Variants in BRIP1 observed in about 807,000 individuals in gnomAD.
The protein encoded by BRIP1 is BRCA1 interacting DNA helicase 1.
A neutral mutation model predicts 119.7 loss-of-function variants in BRIP1; 88 were observed. The observed-to-expected ratio is 0.74, with a 90% CI of 0.62 to 0.88. The LOEUF is 0.88. BRIP1 is among the 40% of genes least tolerant of loss of function. BRIP1 has a pLI of 0.00. For synonymous variants in BRIP1, 443 were observed against 496.5 expected, an observed-to-expected ratio of 0.89 and a Z score of 1.43; for missense variants, 1,259 against 1,455.4, an observed-to-expected ratio of 0.87 and a Z score of 2.20.
chr17:61,732,115 A>G (rs961440386), intron 16 of BRIP1, among the ~76,000 whole-genome samples: 2 of 150,652 alleles, frequency 1.3e-5, no homozygotes, highest in African/African-American at 4.9e-5. Flanking sequence ...CAGCCTCCCA[A>G]ATAGCTGGGA....
rs983771977 is a variant in BRIP1 at position 61,740,452 on chromosome 17, G to C, written c.2379+2561C>G. ...GGACCAGACTTTGAAAATAACTCCTGTTGACCAAAGACAGTATAAGTTGAA... is the reference window on the plus strand; with the variant it reads ...GGACCAGACTTTGAAAATAACTCCTCTTGACCAAAGACAGTATAAGTTGAA... On this transcript the variant is annotated intron_variant, in intron 16 of 19. Coordinates refer to ENST00000259008, the MANE Select transcript of BRIP1 (RefSeq NM_032043.3). This position sits in a 1 kb window ranked among gnomAD's most constrained non-coding sequence, Gnocchi z 5.4. 6.6e-6 allele frequency among the ~76,000 whole-genome samples: 1 copy of C among 152,130 alleles called. No homozygotes were observed. Among genetic ancestry groups the C allele is most frequent in the Non-Finnish European group, 1.5e-5 (1 of 68,034 alleles).
At chr17:61,854,414 C>CT (rs2078865096) in intron 4 of BRIP1, among the ~76,000 whole-genome samples, 1 of 151,786 alleles carries the variant, frequency 6.6e-6, no homozygotes. Flanking sequence ...TTAGAAATTT[C>CT]TTAAAAAGTT....
chr17:61,783,380 A>G (rs1034632339), intron 11 of BRIP1, among the ~76,000 whole-genome samples: 4 of 152,192 alleles, frequency 2.6e-5, no homozygotes, highest in African/African-American at 4.8e-5. Flanking sequence ...AATACAGGTT[A>G]GCAGGTGATG....
In BRIP1 at chr17:61,700,273, C is replaced by T. The variant is rs907857622; in HGVS notation, c.2493-6761G>A. ...TATTAACTTTTACATTTACGTATGTCGTTAACTTTGTGGGTATTCTTTATT... is the reference window on the plus strand; with the variant it reads ...TATTAACTTTTACATTTACGTATGTTGTTAACTTTGTGGGTATTCTTTATT... On this transcript the variant is annotated intron_variant, in intron 17 of 19. Transcript: ENST00000259008. The surrounding 1 kb of genome is among the most constrained non-coding windows in gnomAD (Gnocchi z 4.1). Among the ~76,000 whole-genome samples the T allele has an allele frequency of 2.6e-5, 4 of 152,104 alleles. No homozygotes were observed. The highest frequency in any genetic ancestry group is 6.5e-5 in the Admixed American group (1 of 15,282).
At chr17:61,721,264 A>G (rs1434333426) in intron 16 of BRIP1, among the ~76,000 whole-genome samples, 1 of 143,460 alleles carries the variant, frequency 7.0e-6, no homozygotes, top group Non-Finnish European at 1.5e-5. Context: ...AATAAAATCT[A>G]AGCTTTTTTT....
Position 61,815,343 on chromosome 17 carries a change from A to G in BRIP1, c.628-6586T>C, listed in dbSNP as rs1485087209. Among the ~76,000 whole-genome samples the G allele has an allele frequency of 6.6e-6, 1 of 152,154 alleles. No homozygotes were observed. Among genetic ancestry groups the G allele is most frequent in the Non-Finnish European group, 1.5e-5 (1 of 67,990 alleles). On this transcript the variant is annotated intron_variant, in intron 6 of 19. Transcript: ENST00000259008. The surrounding 1 kb of genome is among the most constrained non-coding windows in gnomAD (Gnocchi z 4.1). ...AGAAAGTGAACCCCTAACTTTAATCAAGTGCTCAAAGCAGATTGTGACTGA... is the reference window on the plus strand; with the variant it reads ...AGAAAGTGAACCCCTAACTTTAATCGAGTGCTCAAAGCAGATTGTGACTGA...
At position 61,795,261 on chromosome 17, in the gene BRIP1, G is replaced by A. The variant is rs550489718; in HGVS notation, c.1341-1532C>T. Among the ~76,000 whole-genome samples, 88 of 152,126 alleles carry A rather than the reference G, an allele frequency of 5.8e-4. No individual in the cohort carries two copies. In the South Asian group the frequency reaches 0.018, roughly 31 times the overall value. The stretch of plus-strand genomic sequence containing the variant: ...CAAATAATCCAATTATATTCTTTTA[G>A]TTATTTTTAAATGTACAGTTAAATC... On this transcript the variant is annotated intron_variant, in intron 9 of 19. Coordinates refer to ENST00000259008, the MANE Select transcript of BRIP1 (RefSeq NM_032043.3). The surrounding 1 kb of genome is among the most constrained non-coding windows in gnomAD (Gnocchi z 5.6).
rs786201802 is a variant in BRIP1, at chr17:61,693,481, G to C, written c.2524C>G (p.Leu842Val). 6.2e-7 allele frequency: 1 copy of C among 1,613,458 alleles called. No individual in the cohort carries two copies. Among genetic ancestry groups the C allele is most frequent in the East Asian group, 2.2e-5 (1 of 44,836 alleles). ...CTAAAGCGATCATCCACTAGAATAA[G>C]AGCTCCCCAATCATTTCTGTGTCTA... ...CIRHRNDWGA[L>V]ILVDDRFRNN... Residue 842 changes from leucine to valine, a missense_variant, in exon 18 of 20, where the codon CTT becomes GTT. Transcript: ENST00000259008. This position sits in a 1 kb window ranked among gnomAD's most constrained non-coding sequence, Gnocchi z 4.2.
In BRIP1 at chr17:61,848,527, T is replaced by A. The variant is rs2145755182; in HGVS notation, c.507+602A>T. Among the ~76,000 whole-genome samples, 1 of 152,300 alleles carries A rather than the reference T, an allele frequency of 6.6e-6. No individual in the cohort carries two copies. Among genetic ancestry groups the A allele is most frequent in the East Asian group, 1.9e-4 (1 of 5,184 alleles). Reference sequence around the variant, plus strand: ...GTATTCAGCCTAATAATTATCTTTTTTATTTGTAACTAAATCTATTAAAAT... The same window carrying A: ...GTATTCAGCCTAATAATTATCTTTTATATTTGTAACTAAATCTATTAAAAT... On this transcript the variant is annotated intron_variant, in intron 5 of 19. Transcript: ENST00000259008. This position sits in a 1 kb window ranked among gnomAD's most constrained non-coding sequence, Gnocchi z 4.3.
chr17:61,719,679 C>A (rs555752700), intron 16 of BRIP1, among the ~76,000 whole-genome samples: 1 of 150,470 alleles, frequency 6.6e-6, no homozygotes, highest in Non-Finnish European at 1.5e-5. Flanking sequence ...GAGCCAAGAT[C>A]GCACCACTGC....
Position 61,780,500 on chromosome 17 carries a change from G to A in BRIP1, c.1795-99C>T. On this transcript the variant is annotated intron_variant, in intron 12 of 19. Coordinates refer to ENST00000259008, the MANE Select transcript of BRIP1 (RefSeq NM_032043.3). The surrounding 1 kb of genome is among the most constrained non-coding windows in gnomAD (Gnocchi z 5.4). ...CCCAGCACTTTGGGAGGCTGAAGCAGGAAGATCGCTTGAGTCTAGGAGTCT... is the reference window on the plus strand; with the variant it reads ...CCCAGCACTTTGGGAGGCTGAAGCAAGAAGATCGCTTGAGTCTAGGAGTCT... 9.1e-7 allele frequency: 1 copy of A among 1,100,114 alleles called. No individual in the cohort carries two copies. The highest frequency in any genetic ancestry group is 1.3e-5 in the South Asian group (1 of 78,564). The allele number at this position is 1,100,114 out of a possible 1,614,324, so 68.1% of individuals were successfully genotyped here. A position where few individuals can be genotyped will look rare whatever the true frequency, so the allele number is the denominator to read the frequency against.
rs948828826 is a variant in BRIP1, at chr17:61,748,248, T to G, written c.2098-3657A>C. ...GCAAGGGATCTAGGTTATATGCTCC[T>G]TATGAGAATCTAATGCCTGATGATC... is the stretch of plus-strand genomic sequence containing the variant. On this transcript the variant is annotated intron_variant, in intron 14 of 19. Coordinates refer to ENST00000259008, the MANE Select transcript of BRIP1 (RefSeq NM_032043.3). The surrounding 1 kb of genome is among the most constrained non-coding windows in gnomAD (Gnocchi z 4.7). Among the ~76,000 whole-genome samples the G allele has an allele frequency of 2.0e-5, 3 of 152,146 alleles. No homozygotes were observed. The highest frequency in any genetic ancestry group is 4.8e-5 in the African/African-American group (2 of 41,428).
chr17:61,696,958 C>T (rs922438661), intron 17 of BRIP1, among the ~76,000 whole-genome samples: 4 of 139,582 alleles, frequency 2.9e-5, no homozygotes, highest in Non-Finnish European at 6.1e-5. Context: ...TGTACTCCAG[C>T]CTGGGCAACA....
Position 61,782,128 on chromosome 17 carries a change from G to A in BRIP1, c.1629-1123C>T, listed in dbSNP as rs541355032. On this transcript the variant is annotated intron_variant, in intron 11 of 19. Coordinates refer to ENST00000259008, the MANE Select transcript of BRIP1 (RefSeq NM_032043.3). ...AGACCGGGTGCGATGGCTCACGCCT[G>A]TAATCCCAGCACTTTGGGAGGCCGA... Among the ~76,000 whole-genome samples, 8 of 152,040 alleles carry A rather than the reference G, an allele frequency of 5.3e-5. No individual in the cohort carries two copies. The East Asian group carries it at 1.6e-3, about 30-fold the overall frequency.
rs2144790701 is a variant in BRIP1 at position 61,755,008 on chromosome 17, A to C, written c.2098-10417T>G. ...AGTCCATAATATCATCTAACATATT[A>C]GTAGCTTTCTGTGTCTCTCATTTAT... On this transcript the variant is annotated intron_variant, in intron 14 of 19. Coordinates refer to ENST00000259008, the MANE Select transcript of BRIP1 (RefSeq NM_032043.3). The surrounding 1 kb of genome is among the most constrained non-coding windows in gnomAD (Gnocchi z 4.5). 6.6e-6 allele frequency among the ~76,000 whole-genome samples: 1 copy of C among 152,340 alleles called. No homozygotes were observed. The highest frequency in any genetic ancestry group is 2.4e-5 in the African/African-American group (1 of 41,582).
rs2145415404 is a variant in BRIP1 at position 61,808,570 on chromosome 17, G to T, written c.815C>A (p.Pro272Gln). ...ATCCCTGCTGGAAAGAATAGTCATT[G>T]GAACCCCTGAATATGCCGTCCTCCG... ...ELRRTAYSGV[P>Q]MTILSSRDHT... Residue 272 changes from proline (P) to glutamine (Q), a missense_variant, in exon 7 of 20, where the codon CCA becomes CAA. Pro to Gln is a moderately conservative substitution (Grantham distance 76). This residue lies in a region of BRIP1 where 501 missense variants were observed against 544.0 expected (regional missense o/e 0.92). Transcript: ENST00000259008. The surrounding 1 kb of genome is among the most constrained non-coding windows in gnomAD (Gnocchi z 4.1). 6.2e-7 allele frequency: 1 copy of T among 1,613,732 alleles called. No individual in the cohort carries two copies. The highest frequency in any genetic ancestry group is 8.5e-7 in the Non-Finnish European group (1 of 1,179,672).
At position 61,762,216 on chromosome 17, in the gene BRIP1, G is replaced by A. The variant is rs1370267547; in HGVS notation, c.2097+14185C>T. Among the ~76,000 whole-genome samples the A allele has an allele frequency of 6.6e-6, 1 of 151,844 alleles. No individual in the cohort carries two copies. Among genetic ancestry groups the A allele is most frequent in the African/African-American group, 2.4e-5 (1 of 41,354 alleles). On this transcript the variant is annotated intron_variant, in intron 14 of 19. Coordinates refer to ENST00000259008, the MANE Select transcript of BRIP1 (RefSeq NM_032043.3). The surrounding 1 kb of genome is among the most constrained non-coding windows in gnomAD (Gnocchi z 4.3). ...ATCCACATGCAGAAGAATGAAAATG[G>A]ACCCTTATCTCACAATATTTAAAAA...
Position 61,801,313 on chromosome 17 carries a change from T to C in BRIP1, c.1080A>G (p.Gln360=). 6.2e-7 allele frequency: 1 copy of C among 1,614,088 alleles called. No individual in the cohort carries two copies. ...CPYYTARELI[Q]DADIIFCPYN... ...AGGGACAAAATATGATGTCAGCATC[T>C]TGTATTAGTTCTCGGGCTGTGTAAT... is the stretch of plus-strand genomic sequence containing the variant. Residue 360 remains glutamine (Q), a synonymous_variant, in exon 8 of 20, where the codon CAA becomes CAG. Coordinates refer to ENST00000259008, the MANE Select transcript of BRIP1 (RefSeq NM_032043.3).
rs151296046 is a variant in BRIP1 at position 61,849,523 on chromosome 17, A to C, written c.380-267T>G. On this transcript the variant is annotated intron_variant, in intron 4 of 19. Transcript: ENST00000259008. ...CTTGTAGACTACTCCCAATAACATG[A>C]TTTAAAATGTATAACTGCAAGGATC... Among the ~76,000 whole-genome samples, 31 of 152,322 alleles carry C rather than the reference A, an allele frequency of 2.0e-4. No homozygotes were observed. The East Asian group carries it at 5.8e-3, about 28-fold the overall frequency.
Sources: gnomAD v4.1 joint callset for allele counts (sites outside exome capture counted in the v4.1 genomes callset) on GRCh38, gnomAD v4.1.1 for gene constraint, gnomAD v4.1.1 regional missense constraint, Gnocchi (gnomAD v3.1) non-coding constraint, MANE v1.5 for transcripts, NCBI Gene and HGNC (gene_info 2026-07-23, HGNC 2026-07-21) for gene names.